Variants in MAP2K5 observed in about 807,000 individuals in gnomAD.
MAP2K5 encodes mitogen-activated protein kinase kinase 5, also known as dual specificity mitogen-activated protein kinase kinase 5.
Under a neutral mutation model 83.1 loss-of-function variants are expected in MAP2K5, and 49 were observed. That is an observed-to-expected ratio of 0.59 (90% CI 0.47 to 0.75). MAP2K5 has a LOEUF of 0.75. Ranked by LOEUF, MAP2K5 falls within the 30% of genes least tolerant of loss-of-function variation. The pLI is 0.00. For missense variants in MAP2K5, 457 were observed against 557.5 expected, an observed-to-expected ratio of 0.82 and a Z score of 1.82; for synonymous variants, 202 against 191.8, an observed-to-expected ratio of 1.05 and a Z score of -0.44.
chr15:67,613,396 A>T lies in MAP2K5; in HGVS notation c.545+12647A>T, dbSNP rs565648563. 9.2e-5 allele frequency among the ~76,000 whole-genome samples: 14 copies of T among 152,324 alleles called. No individual in the cohort carries two copies. The East Asian group carries it at 2.7e-3, about 29-fold the overall frequency. On this transcript the variant is annotated intron_variant, in intron 8 of 21. Coordinates refer to ENST00000178640, the MANE Select transcript of MAP2K5 (RefSeq NM_145160.3). ...TTGCCAGCCAAGGAATGTTTGTTTC[A>T]TTCGGTCAGAGAGATTACCTATTGT...
intron 21 of MAP2K5, among the ~76,000 whole-genome samples, chr15:67,803,251 G>A (rs1234571063): frequency 2.0e-5 from 3 of 152,214 alleles, no homozygotes; most frequent in African/African-American, 7.2e-5. Context: ...TCACCTCCCA[G>A]CTGGACTTGG....
At chr15:67,621,693 C>G (rs1203055066) in intron 8 of MAP2K5, among the ~76,000 whole-genome samples, 1 of 151,944 alleles carries the variant, frequency 6.6e-6, no homozygotes, top group African/African-American at 2.4e-5. Flanking sequence ...ATGAAATTGT[C>G]TTAAAAATAA....
At chr15:67,641,537 C>T in intron 9 of MAP2K5, 1 of 997,600 alleles carries the variant, frequency 1.0e-6, no homozygotes, top group Non-Finnish European at 1.2e-6. Flanking sequence ...AATAGCCTCA[C>T]ACTAATTTAA....
In MAP2K5 at chr15:67,746,284, T is replaced by C. The variant is rs1403566866; in HGVS notation, c.1075-1947T>C. ...CCTCTCACTTAGAATGTTTGCTGCA[T>C]GTTCTCCTCAGAGAATGTTGTCATC... On this transcript the variant is annotated intron_variant, in intron 17 of 21. Coordinates refer to ENST00000178640, the MANE Select transcript of MAP2K5 (RefSeq NM_145160.3). The surrounding 1 kb of genome is among the most constrained non-coding windows in gnomAD (Gnocchi z 4.1). Among the ~76,000 whole-genome samples, 1 of 152,204 alleles carries C rather than the reference T, an allele frequency of 6.6e-6. No homozygotes were observed. Among genetic ancestry groups the C allele is most frequent in the Non-Finnish European group, 1.5e-5 (1 of 68,036 alleles).
rs567455453 is a variant in MAP2K5 at position 67,781,389 on chromosome 15, G to C, written c.1242+8637G>C. Among the ~76,000 whole-genome samples, 1 of 152,298 alleles carries C rather than the reference G, an allele frequency of 6.6e-6. No individual in the cohort carries two copies. Among genetic ancestry groups the C allele is most frequent in the South Asian group, 2.1e-4 (1 of 4,814 alleles). On this transcript the variant is annotated intron_variant, in intron 21 of 21. Transcript: ENST00000178640. This position sits in a 1 kb window ranked among gnomAD's most constrained non-coding sequence, Gnocchi z 4.0. ...TGTAGCAGTTTTGAGAGAGACCTTT[G>C]GGGATTGTGAGTCTTGTGGTTTCGG... is the stretch of plus-strand genomic sequence containing the variant.
chr15:67,681,260 A>G (rs949325762), intron 13 of MAP2K5, among the ~76,000 whole-genome samples: 3 of 152,232 alleles, frequency 2.0e-5, no homozygotes, highest in Admixed American at 2.0e-4. Flanking sequence ...TGATCTTCCA[A>G]CACTGGCAAG....
At chr15:67,612,077 T>C (rs867302002) in intron 8 of MAP2K5, among the ~76,000 whole-genome samples, 48 of 116,848 alleles carry the variant, frequency 4.1e-4, no homozygotes, top group East Asian at 1.2e-3. Context: ...GGTTTTCTTT[T>C]TTTTTTTTTT....
At position 67,746,789 on chromosome 15, in the gene MAP2K5, T is replaced by C. The variant is rs1216428111; in HGVS notation, c.1075-1442T>C. On this transcript the variant is annotated intron_variant, in intron 17 of 21. Transcript: ENST00000178640. The surrounding 1 kb of genome is among the most constrained non-coding windows in gnomAD (Gnocchi z 4.1). ...AGTGATGAAAAGCCAATAAGAGCAA[T>C]GAGTGGGCGCCGTGTTCATTTGACA... Among the ~76,000 whole-genome samples, 1 of 152,192 alleles carries C rather than the reference T, an allele frequency of 6.6e-6. No individual in the cohort carries two copies. The highest frequency in any genetic ancestry group is 1.5e-5 in the Non-Finnish European group (1 of 68,032).
intron 13 of MAP2K5, among the ~76,000 whole-genome samples, chr15:67,683,045 G>A (rs2087861699): frequency 1.3e-5 from 2 of 152,020 alleles, no homozygotes; most frequent in Non-Finnish European, 2.9e-5. Context: ...GGAGGCTGAG[G>A]AAGGAGAATC....
Position 67,783,439 on chromosome 15 carries a change from C to T in MAP2K5, c.1242+10687C>T, listed in dbSNP as rs1032487379. Reference sequence around the variant, plus strand: ...GTCTTTGCTTGTGCTGTTTTCTCACCGCCAGATGGTGAACTTCTCCACCTC... The same window carrying T: ...GTCTTTGCTTGTGCTGTTTTCTCACTGCCAGATGGTGAACTTCTCCACCTC... On this transcript the variant is annotated intron_variant, in intron 21 of 21. Coordinates refer to ENST00000178640, the MANE Select transcript of MAP2K5 (RefSeq NM_145160.3). The surrounding 1 kb of genome is among the most constrained non-coding windows in gnomAD (Gnocchi z 5.1). Among the ~76,000 whole-genome samples the T allele has an allele frequency of 2.6e-5, 4 of 152,160 alleles. No homozygotes were observed. The highest frequency in any genetic ancestry group is 1.3e-4 in the Admixed American group (2 of 15,282).
At chr15:67,805,441 G>T (rs751421733) in intron 21 of MAP2K5, among the ~76,000 whole-genome samples, 7 of 152,226 alleles carry the variant, frequency 4.6e-5, no homozygotes, top group Non-Finnish European at 1.0e-4. Flanking sequence ...ATCCCTCCTG[G>T]CTTTGTGATG....
intron 11 of MAP2K5, among the ~76,000 whole-genome samples, chr15:67,658,073 T>C (rs1371361344): frequency 1.3e-5 from 2 of 152,096 alleles, no homozygotes; most frequent in Non-Finnish European, 2.9e-5. Flanking sequence ...TTATTACATA[T>C]TGTTAAAATA....
chr15:67,771,821 A>G lies in MAP2K5; in HGVS notation c.1197-886A>G, dbSNP rs375478487. On this transcript the variant is annotated intron_variant, in intron 20 of 21. Transcript: ENST00000178640. ...GAAGAGTTTTCTTCTTGCTTGTTAGAAGAGTGCCTTATAAAGAAAAAAGCA... is the reference window on the plus strand; with the variant it reads ...GAAGAGTTTTCTTCTTGCTTGTTAGGAGAGTGCCTTATAAAGAAAAAAGCA... 2.6e-5 allele frequency among the ~76,000 whole-genome samples: 4 copies of G among 152,206 alleles called. No individual in the cohort carries two copies. In the East Asian group the frequency reaches 7.7e-4, roughly 29 times the overall value.
chr15:67,702,818 T>C lies in MAP2K5; in HGVS notation c.973-519T>C, dbSNP rs2088453195. Among the ~76,000 whole-genome samples the C allele has an allele frequency of 6.6e-6, 1 of 152,238 alleles. No homozygotes were observed. Among genetic ancestry groups the C allele is most frequent in the African/African-American group, 2.4e-5 (1 of 41,466 alleles). On this transcript the variant is annotated intron_variant, in intron 15 of 21. Transcript: ENST00000178640. The surrounding 1 kb of genome is among the most constrained non-coding windows in gnomAD (Gnocchi z 4.6). The stretch of plus-strand genomic sequence containing the variant: ...TCTGGGTAAAGGAAATAGGAATGTG[T>C]ATTGCTCTGATCTCATTTTTTCAAA...
chr15:67,787,463 A>C (rs1466565273), intron 21 of MAP2K5, among the ~76,000 whole-genome samples: 1 of 152,226 alleles, frequency 6.6e-6, no homozygotes, highest in Non-Finnish European at 1.5e-5. Flanking sequence ...GACTTCTCTA[A>C]AAGTAACCTT....
chr15:67,697,005 GACTT>G (rs1218963226), intron 15 of MAP2K5, among the ~76,000 whole-genome samples: 1 of 152,066 alleles, frequency 6.6e-6, no homozygotes, highest in Non-Finnish European at 1.5e-5. Context: ...AAGAAAATGA[GACTT>G]ACAGTGTACA....
At chr15:67,618,046 T>G (rs4508384) in intron 8 of MAP2K5, among the ~76,000 whole-genome samples, 1 of 152,208 alleles carries the variant, frequency 6.6e-6, no homozygotes, top group Non-Finnish European at 1.5e-5. Context: ...TTCTTTGTAA[T>G]GATGTATCTT....
intron 16 of MAP2K5, among the ~76,000 whole-genome samples, chr15:67,706,267 T>C (rs934459052): frequency 2.0e-5 from 3 of 152,242 alleles, no homozygotes; most frequent in African/African-American, 7.2e-5. Flanking sequence ...TTGATATATT[T>C]GGGTTCTGTT....
At chr15:67,752,240 T>C (rs541038060) in intron 19 of MAP2K5, among the ~76,000 whole-genome samples, 13 of 151,932 alleles carry the variant, frequency 8.6e-5, no homozygotes, top group Non-Finnish European at 1.5e-4. Context: ...CAATTTTTTG[T>C]ATTATTAGTA....
Sources: allele counts gnomAD v4.1 joint callset (sites outside exome capture counted in the v4.1 genomes callset), GRCh38; gene constraint gnomAD v4.1.1; non-coding constraint Gnocchi (gnomAD v3.1); transcripts MANE v1.5; gene names NCBI Gene and HGNC (gene_info 2026-07-23, HGNC 2026-07-21).